The following MIA2 variants were observed in gnomAD, a reference collection of about 807,000 sequenced individuals.
MIA2 encodes the protein MIA SH3 domain ER export factor 2.
A neutral mutation model predicts 167.8 loss-of-function variants in MIA2; 127 were observed. The ratio of observed to expected loss-of-function variants is 0.76; its 90% confidence interval spans 0.66 to 0.88. The LOEUF (loss-of-function observed/expected upper bound fraction) is 0.88, where lower values mean the gene tolerates loss of function less well. MIA2 is among the 40% of genes least tolerant of loss of function. The pLI, the probability that MIA2 is intolerant of heterozygous loss-of-function variation, is 0.00. For missense variants in MIA2, 1,690 were observed against 1,624.7 expected (o/e 1.04, Z -0.69); for synonymous variants, 552 against 541.9 (o/e 1.02, Z -0.26).
At chr14:39,272,562 A>AT (rs985063975) in intron 6 of MIA2, among the ~76,000 whole-genome samples, 4 of 152,162 alleles carry the variant, frequency 2.6e-5, no homozygotes, top group African/African-American at 9.7e-5. Flanking sequence ...CTGCCTGGGC[A>AT]TTTGGCTGCC....
intron 9 of MIA2, among the ~76,000 whole-genome samples, chr14:39,288,620 G>T (rs1448113339): frequency 6.6e-6 from 1 of 150,688 alleles, no homozygotes; most frequent in Non-Finnish European, 1.5e-5. Context: ...GACTACAGGT[G>T]CCTGGCTAAT....
chr14:39,312,628 A>G (rs892846158), intron 18 of MIA2, among the ~76,000 whole-genome samples: 7 of 152,230 alleles, frequency 4.6e-5, no homozygotes, highest in African/African-American at 1.7e-4. Flanking sequence ...ATAGCATAAA[A>G]GAGTCACTGC....
At position 39,302,260 on chromosome 14, in the gene MIA2, A is replaced by AT; in HGVS notation, c.2740+12dup. The AT allele has an allele frequency of 4.3e-6, 7 of 1,612,602 alleles. No individual in the cohort carries two copies. Among genetic ancestry groups the AT allele is most frequent in the Non-Finnish European group, 5.9e-6 (7 of 1,179,092 alleles). On this transcript the variant is annotated intron_variant, in intron 15 of 28. Transcript: ENST00000640607. ...ATGGTGCTTACTTAGGTATTAAGTC[A>AT]TGACTCATCTCCTTTTGCTAAAATG...
intron 25 of MIA2, among the ~76,000 whole-genome samples, chr14:39,344,976 T>G (rs2072904927): frequency 1.3e-5 from 2 of 152,222 alleles, no homozygotes; most frequent in Non-Finnish European, 2.9e-5. Flanking sequence ...ATAGTTGGTG[T>G]CCAAATTTGT....
chr14:39,295,429 C>T (rs1162326708), intron 13 of MIA2, among the ~76,000 whole-genome samples: 1 of 152,164 alleles, frequency 6.6e-6, no homozygotes, highest in African/African-American at 2.4e-5. Flanking sequence ...TACATAGATA[C>T]TCCCACGTAT....
intron 25 of MIA2, among the ~76,000 whole-genome samples, chr14:39,337,465 C>T (rs2070709147): frequency 6.6e-6 from 1 of 152,170 alleles, no homozygotes; most frequent in African/African-American, 2.4e-5. Context: ...ACAAGTTACC[C>T]AACAGCAGCA....
At chr14:39,309,829 T>C (rs2063919524) in intron 18 of MIA2, among the ~76,000 whole-genome samples, 1 of 152,186 alleles carries the variant, frequency 6.6e-6, no homozygotes, top group Non-Finnish European at 1.5e-5. Flanking sequence ...AGTGCCTTTA[T>C]ATATTGGAGT....
chr14:39,349,401 T>A (rs1478322223), intron 28 of MIA2, among the ~76,000 whole-genome samples: 1 of 152,224 alleles, frequency 6.6e-6, no homozygotes, highest in Non-Finnish European at 1.5e-5. Flanking sequence ...CCTACTTATT[T>A]AAAACTTAAA....
At chr14:39,279,160 C>CAA (rs71435634) in intron 7 of MIA2, among the ~76,000 whole-genome samples, 177 bp from the exon 8 acceptor site, 19,708 of 95,822 alleles carry the variant, frequency 0.21, 2,399 homozygotes, top group Middle Eastern at 0.3. Context: ...GACTCTGTCT[C>CAA]AAAAAAAAAA....
intron 6 of MIA2, among the ~76,000 whole-genome samples, chr14:39,259,044 G>A (rs1594721476): frequency 6.6e-6 from 1 of 152,250 alleles, no homozygotes; most frequent in Admixed American, 6.5e-5. Flanking sequence ...CTCCCAGTCA[G>A]GAGGCGCGGG....
chr14:39,238,807 A>AAAAAAAAAAAAAAAAAAAC (rs1566583465), intron 2 of MIA2, among the ~76,000 whole-genome samples: 1 of 148,392 alleles, frequency 6.7e-6, no homozygotes, highest in African/African-American at 2.5e-5. Context: ...AAAAAAAAAA[A>AAAAAAAAAAAAAAAAAAAC]AAAACCCAAA....
chr14:39,346,193 A>C (rs1202031432), intron 26 of MIA2, among the ~76,000 whole-genome samples, 167 bp downstream of exon 26: 1 of 152,238 alleles, frequency 6.6e-6, no homozygotes, highest in Non-Finnish European at 1.5e-5. Flanking sequence ...TTGTACACAG[A>C]CATGGCATCC....
At chr14:39,301,803 C>G (rs2062548866) in intron 14 of MIA2, among the ~76,000 whole-genome samples, 1 of 152,114 alleles carries the variant, frequency 6.6e-6, no homozygotes. Flanking sequence ...AGAATTTACT[C>G]TCATGTTAAT....
At chr14:39,324,355 G>A (rs1011457208) in intron 24 of MIA2, among the ~76,000 whole-genome samples, 6 of 152,150 alleles carry the variant, frequency 3.9e-5, no homozygotes, top group African/African-American at 1.4e-4. Flanking sequence ...ATGAAGAAGC[G>A]AGAAGGAAAG....
chr14:39,353,735 C>T (rs1265655063), downstream of MIA2, among the ~76,000 whole-genome samples: 1 of 152,128 alleles, frequency 6.6e-6, no homozygotes, highest in Non-Finnish European at 1.5e-5. Flanking sequence ...CTATAACAGG[C>T]CCTGGTTTGT....
chr14:39,379,805 A>G (rs1318682177), intron 23 of MIA2, among the ~76,000 whole-genome samples: 1 of 152,132 alleles, frequency 6.6e-6, no homozygotes, highest in African/African-American at 2.4e-5. Flanking sequence ...AAGCCAAGTC[A>G]CACCACTGCA....
chr14:39,339,441 T>G (rs1459668633), intron 25 of MIA2, among the ~76,000 whole-genome samples: 1 of 152,220 alleles, frequency 6.6e-6, no homozygotes, highest in Non-Finnish European at 1.5e-5. Flanking sequence ...GGTTAGTAGC[T>G]TTCACAAGGA....
intron 7 of MIA2, among the ~76,000 whole-genome samples, chr14:39,277,828 G>A (rs1272551634): frequency 1.4e-5 from 2 of 143,214 alleles, no homozygotes; most frequent in Non-Finnish European, 3.0e-5. Flanking sequence ...AGGTTGTAGT[G>A]CAGTTGCTAT....
At chr14:39,265,498 G>T in intron 6 of MIA2, 4 of 1,119,182 alleles carry the variant, frequency 3.6e-6, no homozygotes, top group East Asian at 5.0e-5. Context: ...GCTTTACTGT[G>T]TTTTTGCTAT....
Sources: gnomAD v4.1 joint callset for allele counts (sites outside exome capture counted in the v4.1 genomes callset) on GRCh38, gnomAD v4.1.1 for gene constraint, MANE v1.5 for transcripts, NCBI Gene and HGNC (gene_info 2026-07-23, HGNC 2026-07-21) for gene names.